Variants in POLE observed in about 807,000 individuals in gnomAD.
POLE encodes DNA polymerase epsilon, catalytic subunit, also known as DNA polymerase epsilon catalytic subunit A.
Under a neutral mutation model 279.2 loss-of-function variants are expected in POLE, and 188 were observed. That is an observed-to-expected ratio of 0.67 (90% CI 0.60 to 0.76). The LOEUF (loss-of-function observed/expected upper bound fraction) is 0.76, where lower values mean the gene tolerates loss of function less well. Among genes scored for constraint, POLE ranks in the 30% least tolerant of loss-of-function variants. The probability of loss-of-function intolerance (pLI) is 0.00; values close to 1 mark genes in which losing one functional copy is unlikely to be tolerated. For synonymous variants in POLE, 1,214 were observed against 1,172.5 expected (o/e 1.04, Z -0.72); for missense variants, 2,703 against 3,016.7 (o/e 0.90, Z 2.44).
rs1274137181 is a variant in POLE at position 132,673,673 on chromosome 12, T to C, written c.1261A>G (p.Ser421Gly). The change falls in exon 13 of 49, where the codon AGT (serine) becomes GGT (glycine). Residue 421 changes from serine (S) to glycine (G), a missense_variant. Transcript: ENST00000320574. ...VKRDSYLPVG[S>G]HNLKAAAKAK... ...TTGGCGGCCGCCTTGAGATTATGAC[T>C]GCCCACAGGAAGGTAACTGTCCCTC... The C allele has an allele frequency of 6.2e-7, 1 of 1,614,008 alleles. No individual in the cohort carries two copies. The highest frequency in any genetic ancestry group is 8.5e-7 in the Non-Finnish European group (1 of 1,179,976).
At chr12:132,686,813 T>A (rs1253736960) in intron 1 of POLE, among the ~76,000 whole-genome samples, 1 of 151,438 alleles carries the variant, frequency 6.6e-6, no homozygotes, top group Non-Finnish European at 1.5e-5. Flanking sequence ...GCTCCAGCGA[T>A]CCGCCCGCCT....
At chr12:132,638,976 C>A (rs1204144790) in intron 40 of POLE, 149 bp downstream of exon 40, 11 of 703,208 alleles carry the variant, frequency 1.6e-5, no homozygotes, top group Non-Finnish European at 2.7e-5. Context: ...GCGTGTTTCT[C>A]TGGGATCCTT....
intron 38 of POLE, among the ~76,000 whole-genome samples, 157 bp downstream of exon 38, chr12:132,642,020 C>T (rs1304153859): frequency 6.6e-6 from 1 of 152,216 alleles, no homozygotes; most frequent in Non-Finnish European, 1.5e-5. Flanking sequence ...GGAGGCCCCA[C>T]CTGGACCTTG....
chr12:132,678,135 G>A (rs1208877605), intron 6 of POLE, among the ~76,000 whole-genome samples: 3 of 152,002 alleles, frequency 2.0e-5, no homozygotes, highest in Non-Finnish European at 4.4e-5. Context: ...CCCAGATTGC[G>A]CCACTGCACT....
rs1314230611 is a variant in POLE, at chr12:132,638,095, G to T, written c.5597C>A (p.Ala1866Asp). 1 of 1,613,990 alleles carries T rather than the reference G, an allele frequency of 6.2e-7. No homozygotes were observed. Among genetic ancestry groups the T allele is most frequent in the South Asian group, 1.1e-5 (1 of 91,060 alleles). ...ACAGAGGATGATGCGGTTGAAGTTG[G>T]CGTAGATGACTGATGACCCCAGGCG... ...FKRLGSSVIY[A>D]NFNRIILCTK... The change falls in exon 41 of 49, where the codon GCC becomes GAC. Residue 1866 changes from alanine to aspartate, a missense_variant. By Grantham distance (126) the Ala-to-Asp change is moderately radical. Around this residue, in one of 5 missense-constraint regions of POLE, gnomAD observed 1,551 missense variants for 1,686.1 expected, o/e 0.92. Coordinates refer to ENST00000320574, the MANE Select transcript of POLE (RefSeq NM_006231.4).
chr12:132,643,767 C>A (rs55807236), intron 33 of POLE, 70 bp downstream of exon 33: 1 of 1,552,608 alleles, frequency 6.4e-7, no homozygotes, highest in South Asian at 1.2e-5. Flanking sequence ...ACACCCTGGG[C>A]GGGTTTCTTT....
chr12:132,648,071 C>T (rs12099978), intron 32 of POLE, among the ~76,000 whole-genome samples: 1,736 of 152,262 alleles, frequency 0.011, 35 homozygotes, highest in African/African-American at 0.04. Flanking sequence ...ATGTGCTGAG[C>T]CGACACATTA....
At position 132,664,260 on chromosome 12, in the gene POLE, C is replaced by T; in HGVS notation, c.2561+110G>A. 8.2e-7 allele frequency: 1 copy of T among 1,212,600 alleles called. No individual in the cohort carries two copies. The highest frequency in any genetic ancestry group is 2.3e-5 in the East Asian group (1 of 42,638). 75.1% of individuals were successfully genotyped at this position (1,212,600 alleles called of 1,614,324 possible). ...GCCCAGTGTGTGGCCTCCAGCCTTC[C>T]CTCCTTCCTTCCTGCCCAGTGTGTG... On this transcript the variant is annotated intron_variant, in intron 22 of 48. Coordinates refer to ENST00000320574, the MANE Select transcript of POLE (RefSeq NM_006231.4). This position sits in a 1 kb window ranked among gnomAD's most constrained non-coding sequence, Gnocchi z 5.3.
Position 132,675,912 on chromosome 12 carries a change from A to C in POLE, c.1021-92T>G. 8.8e-7 allele frequency: 1 copy of C among 1,133,556 alleles called. No individual in the cohort carries two copies. Among genetic ancestry groups the C allele is most frequent in the Non-Finnish European group, 1.3e-6 (1 of 751,236 alleles). 70.2% of individuals were successfully genotyped at this position (1,133,556 alleles called of 1,614,324 possible). On this transcript the variant is annotated intron_variant, in intron 10 of 48. Transcript: ENST00000320574. This position sits in a 1 kb window ranked among gnomAD's most constrained non-coding sequence, Gnocchi z 4.3. ...CCCAAAGTTCAGAAGCAGCAGCCTC[A>C]TGTTGGCCCTTATTCCTGCCCCGCC...
chr12:132,685,110 G>A (rs1157217295), intron 1 of POLE, among the ~76,000 whole-genome samples: 10 of 104,176 alleles, frequency 9.6e-5, no homozygotes, highest in African/African-American at 3.2e-4. Flanking sequence ...CACCGTCCCA[G>A]TACTCCACAC....
At position 132,626,099 on chromosome 12, in the gene POLE, G is replaced by C; in HGVS notation, c.6531+18C>G. ...TGTTCTGCTCCACAGTGAAGGGCCCGCTGGAGCTCAGCCGCACCTCTGAGA... is the reference window on the plus strand; with the variant it reads ...TGTTCTGCTCCACAGTGAAGGGCCCCCTGGAGCTCAGCCGCACCTCTGAGA... On this transcript the variant is annotated intron_variant, in intron 46 of 48. Transcript: ENST00000320574. 1 of 1,577,650 alleles carries C rather than the reference G, an allele frequency of 6.3e-7. No homozygotes were observed.
Position 132,634,479 on chromosome 12 carries a change from C to T in POLE, c.5812-101G>A. 2 of 1,167,882 alleles carry T rather than the reference C, an allele frequency of 1.7e-6. No homozygotes were observed. The highest frequency in any genetic ancestry group is 2.1e-5 in the Admixed American group (1 of 48,256). The allele number at this position is 1,167,882 out of a possible 1,614,324, so 72.3% of individuals were successfully genotyped here. A position where few individuals can be genotyped will look rare whatever the true frequency, so the allele number is the denominator to read the frequency against. ...CTCCTCCAACCTGGGTCCATCTGCC[C>T]CGTTTGACCAGAGGCCTTCCTCGCA... On this transcript the variant is annotated intron_variant, in intron 42 of 48. Transcript: ENST00000320574. The surrounding 1 kb of genome is among the most constrained non-coding windows in gnomAD (Gnocchi z 4.0).
chr12:132,675,365 C>A lies in POLE; in HGVS notation c.1226+33G>T. 1 of 1,609,096 alleles carries A rather than the reference C, an allele frequency of 6.2e-7. No homozygotes were observed. Among genetic ancestry groups the A allele is most frequent in the Non-Finnish European group, 8.5e-7 (1 of 1,177,544 alleles). The stretch of plus-strand genomic sequence containing the variant: ...GCCTTCAGATCTCGCTCACGGACAG[C>A]AGTGAGGAGCCATGCTGCTCTGTGG... On this transcript the variant is annotated intron_variant, in intron 12 of 48. Transcript: ENST00000320574. This position sits in a 1 kb window ranked among gnomAD's most constrained non-coding sequence, Gnocchi z 4.3.
rs759163643 is a variant in POLE at position 132,641,866 on chromosome 12, G to A, written c.5174-15C>T. ...CTCCACACACACTGCACAGGAAGAC[G>A]CCATGCTCAGCCAGCATCCTGCCAG... On this transcript the variant is annotated splice_polypyrimidine_tract_variant and intron_variant, in intron 38 of 48. Transcript: ENST00000320574. 5.0e-6 allele frequency: 8 copies of A among 1,596,794 alleles called. No individual in the cohort carries two copies. The highest frequency in any genetic ancestry group is 2.2e-5 in the East Asian group (1 of 44,832).
chr12:132,633,859 A>C, intron 43 of POLE: 7 of 229,650 alleles, frequency 3.0e-5, no homozygotes, highest in East Asian at 8.8e-5. Flanking sequence ...TTCCCTGGGA[A>C]TGTATGTGAC....
rs779922585 is a variant in POLE, at chr12:132,680,011, C to T, written c.366G>A (p.Lys122=). 1 of 1,614,126 alleles carries T rather than the reference C, an allele frequency of 6.2e-7. No individual in the cohort carries two copies. Among genetic ancestry groups the T allele is most frequent in the East Asian group, 2.2e-5 (1 of 44,892 alleles). Residue 122 remains lysine (K), a synonymous_variant, in exon 5 of 49, where the codon AAG becomes AAA. Transcript: ENST00000320574. ...CTTTTGCAATTTTGCCCTGAAACTT[C>T]TTGGAGAGAAAAGATGAAACTTCTC... ...CEREVSSFLS[K]KFQGKIAKVE... is the part of the protein sequence containing the mutation.
intron 25 of POLE, 105 bp downstream of exon 25, chr12:132,660,864 G>A: frequency 1.1e-6 from 1 of 885,382 alleles, no homozygotes; most frequent in East Asian, 2.5e-5. Flanking sequence ...CTGGCCCTGT[G>A]TTCTTCGGTC....
At chr12:132,659,625 A>C in intron 25 of POLE, 116 bp from the exon 26 acceptor site, 1 of 750,052 alleles carries the variant, frequency 1.3e-6, no homozygotes, top group Non-Finnish European at 2.2e-6. Context: ...AGAAGGCTGC[A>C]ATTTCAAGAG....
rs750550697 is a variant in POLE at position 132,643,251 on chromosome 12, G to A, written c.4524C>T (p.Arg1508=). ...ALFGIFIPSQ[R]RASVFVLDTV... ...TGTCCAGCACAAAGACGGATGCCCTGCGCTGTGAGGGGATGAAGATCCCGA... is the reference window on the plus strand; with the variant it reads ...TGTCCAGCACAAAGACGGATGCCCTACGCTGTGAGGGGATGAAGATCCCGA... The change falls in exon 35 of 49, where the codon CGC becomes CGT. Residue 1508 remains arginine (R), a synonymous_variant. Transcript: ENST00000320574. 5 of 1,613,832 alleles carry A rather than the reference G, an allele frequency of 3.1e-6. No individual in the cohort carries two copies. The South Asian group carries it at 4.4e-5, about 14-fold the overall frequency.
Sources: allele counts gnomAD v4.1 joint callset (sites outside exome capture counted in the v4.1 genomes callset), GRCh38; gene constraint gnomAD v4.1.1; regional missense constraint gnomAD v4.1.1; non-coding constraint Gnocchi (gnomAD v3.1); transcripts MANE v1.5; gene names NCBI Gene and HGNC (gene_info 2026-07-23, HGNC 2026-07-21).